Variants in CDK14 observed in about 807,000 individuals in gnomAD.
CDK14 encodes the protein cyclin dependent kinase 14.
Under a neutral mutation model 60.7 loss-of-function variants are expected in CDK14, and 34 were observed. That is an observed-to-expected ratio of 0.56 (90% CI 0.43 to 0.75). The LOEUF (loss-of-function observed/expected upper bound fraction) is 0.75, where lower values mean the gene tolerates loss of function less well. Ranked by LOEUF, CDK14 falls within the 30% of genes least tolerant of loss-of-function variation. CDK14 has a pLI of 0.00. For missense variants in CDK14, 482 were observed against 564.1 expected (o/e 0.85, Z 1.47); for synonymous variants, 197 against 203.7 (o/e 0.97, Z 0.28).
At chr7:90,871,149 C>A (rs1791360817) in intron 6 of CDK14, among the ~76,000 whole-genome samples, 1 of 151,964 alleles carries the variant, frequency 6.6e-6, no homozygotes, top group South Asian at 2.1e-4. Context: ...TATGCTGGAC[C>A]TATTTGTGTC....
At chr7:90,952,788 A>G (rs1050202006) in intron 8 of CDK14, among the ~76,000 whole-genome samples, 2 of 152,236 alleles carry the variant, frequency 1.3e-5, no homozygotes, top group Non-Finnish European at 2.9e-5. Flanking sequence ...GACAAAGAAC[A>G]GAGAAAGAAA....
chr7:90,782,525 G>A (rs927013649), intron 4 of CDK14, among the ~76,000 whole-genome samples: 14 of 152,110 alleles, frequency 9.2e-5, no homozygotes, highest in Non-Finnish European at 1.6e-4. Context: ...ACAAATGGGA[G>A]CCTCTGGAAT....
At chr7:90,669,056 G>T (rs1259046754) in intron 2 of CDK14, among the ~76,000 whole-genome samples, 2 of 151,976 alleles carry the variant, frequency 1.3e-5, no homozygotes, top group Admixed American at 6.6e-5. Flanking sequence ...AGTTTTCAGG[G>T]TGATCTAGAA....
At chr7:90,728,609 C>G (rs996335197) in intron 3 of CDK14, among the ~76,000 whole-genome samples, 12 of 151,688 alleles carry the variant, frequency 7.9e-5, no homozygotes, top group African/African-American at 2.9e-4. Context: ...ATTTTTTTTC[C>G]TTTTACATAT....
chr7:91,064,618 A>G (rs1014429410), intron 11 of CDK14, among the ~76,000 whole-genome samples: 8 of 152,196 alleles, frequency 5.3e-5, no homozygotes, highest in African/African-American at 1.9e-4. Flanking sequence ...AGTCTCTGTC[A>G]CTATAGCCCG....
chr7:90,795,052 G>A (rs1371722319), intron 5 of CDK14, among the ~76,000 whole-genome samples: 1 of 152,046 alleles, frequency 6.6e-6, no homozygotes, highest in African/African-American at 2.4e-5. Flanking sequence ...GTCTTACTGA[G>A]CATTCATGCA....
intron 1 of CDK14, among the ~76,000 whole-genome samples, chr7:90,598,220 A>G (rs1353448759): frequency 2.6e-5 from 4 of 152,350 alleles, no homozygotes; most frequent in South Asian, 2.1e-4. Context: ...ATTCATTGCA[A>G]TTGAGTCTCA....
At chr7:91,118,384 G>A (rs1799677173) in intron 14 of CDK14, among the ~76,000 whole-genome samples, 176 bp downstream of exon 14, 1 of 151,956 alleles carries the variant, frequency 6.6e-6, no homozygotes. Flanking sequence ...ATATTTTCAG[G>A]CACCTACTAG....
chr7:90,653,263 C>G (rs1331117031), intron 2 of CDK14, among the ~76,000 whole-genome samples: 2 of 152,022 alleles, frequency 1.3e-5, no homozygotes, highest in Non-Finnish European at 2.9e-5. Context: ...ACTCCACAAC[C>G]CCCCTCTGTT....
chr7:91,108,681 G>T (rs1337705708), intron 12 of CDK14, among the ~76,000 whole-genome samples: 1 of 152,076 alleles, frequency 6.6e-6, no homozygotes, highest in African/African-American at 2.4e-5. Flanking sequence ...CATTGATTTT[G>T]TTGGCTTTCA....
chr7:90,724,286 A>G (rs1472649188), intron 2 of CDK14, among the ~76,000 whole-genome samples: 3 of 151,692 alleles, frequency 2.0e-5, no homozygotes, highest in Admixed American at 6.6e-5. Context: ...CCTGATAGTA[A>G]TATTGGCGAT....
At chr7:91,054,517 A>G (rs1210853717) in intron 11 of CDK14, among the ~76,000 whole-genome samples, 4 of 152,218 alleles carry the variant, frequency 2.6e-5, no homozygotes, top group African/African-American at 9.7e-5. Context: ...CTAAGGAAGT[A>G]AAATATGTAA....
At chr7:90,968,976 A>G (rs540704394) in intron 9 of CDK14, among the ~76,000 whole-genome samples, 117 of 152,260 alleles carry the variant, frequency 7.7e-4, no homozygotes, top group African/African-American at 2.6e-3. Context: ...CCTGCCCTCG[A>G]GCAGCACCCA....
intron 12 of CDK14, among the ~76,000 whole-genome samples, chr7:91,081,794 A>G (rs1365556626): frequency 2.0e-5 from 3 of 152,174 alleles, no homozygotes; most frequent in African/African-American, 7.2e-5. Flanking sequence ...TTCTGGGAAA[A>G]CAAAGCAGCA....
intron 13 of CDK14, among the ~76,000 whole-genome samples, chr7:91,115,157 T>G (rs1339674249): frequency 6.6e-6 from 1 of 152,118 alleles, no homozygotes; most frequent in Non-Finnish European, 1.5e-5. Context: ...GTAAATGGAT[T>G]GTCTTAGCAA....
intron 6 of CDK14, among the ~76,000 whole-genome samples, chr7:90,889,331 C>T (rs1351694675): frequency 6.6e-6 from 1 of 152,182 alleles, no homozygotes; most frequent in African/African-American, 2.4e-5. Context: ...ATGTCATTGC[C>T]AGAAGCCAAA....
intron 5 of CDK14, among the ~76,000 whole-genome samples, chr7:90,806,305 A>G (rs954506970): frequency 2.6e-5 from 4 of 152,202 alleles, no homozygotes; most frequent in African/African-American, 9.6e-5. Context: ...TTAAAAAGAC[A>G]CCATTAAAGA....
At chr7:91,027,508 C>G (rs1796606667) in intron 10 of CDK14, among the ~76,000 whole-genome samples, 1 of 152,050 alleles carries the variant, frequency 6.6e-6, no homozygotes, top group African/African-American at 2.4e-5. Context: ...TTATGCATAC[C>G]ACGTTTTAGT....
chr7:90,732,076 T>C (rs1216060121), intron 3 of CDK14, among the ~76,000 whole-genome samples: 1 of 152,228 alleles, frequency 6.6e-6, no homozygotes, highest in African/African-American at 2.4e-5. Context: ...TCAAAGGCCC[T>C]TTCTGCATCT....
Sources: gnomAD v4.1 joint callset for allele counts (sites outside exome capture counted in the v4.1 genomes callset) on GRCh38, gnomAD v4.1.1 for gene constraint, MANE v1.5 for transcripts, NCBI Gene and HGNC (gene_info 2026-07-23, HGNC 2026-07-21) for gene names.